Variants in OTOA observed in about 807,000 individuals in gnomAD.
OTOA encodes cancer/testis antigen 108.
OTOA carries 70 observed loss-of-function variants against 110.8 expected under a neutral mutation model. The ratio of observed to expected loss-of-function variants is 0.63; its 90% CI spans 0.52 to 0.77. The LOEUF is 0.77. Ranked by LOEUF, OTOA falls within the 30% of genes least tolerant of loss-of-function variation. The pLI is 0.00. For missense variants in OTOA, 917 were observed against 1,075.8 expected (o/e 0.85, Z 2.06); for synonymous variants, 373 against 431.5 (o/e 0.86, Z 1.68).
intron 1 of OTOA, among the ~76,000 whole-genome samples, chr16:21,665,030 T>C (rs1181360779): frequency 2.0e-5 from 3 of 151,430 alleles, no homozygotes; most frequent in Admixed American, 6.6e-5. Context: ...ATAAAGTTGA[T>C]AGTTTTTTGC....
intron 15 of OTOA, among the ~76,000 whole-genome samples, chr16:21,717,427 C>T (rs1452332010): frequency 1.3e-5 from 2 of 152,026 alleles, no homozygotes; most frequent in Non-Finnish European, 2.9e-5. Flanking sequence ...GGCGACAGAG[C>T]GAGACCCTGT....
At chr16:21,665,833 A>AT (rs796956897) in intron 1 of OTOA, among the ~76,000 whole-genome samples, 81 of 145,862 alleles carry the variant, frequency 5.6e-4, no homozygotes, top group African/African-American at 1.0e-3. Flanking sequence ...GACTGCTTGA[A>AT]TTTTTTTTTT....
At chr16:21,705,121 T>C in intron 11 of OTOA, 48 bp from the exon 12 acceptor site, 1 of 1,614,138 alleles carries the variant, frequency 6.2e-7, no homozygotes, top group South Asian at 1.1e-5. Flanking sequence ...CAGAATGGGC[T>C]GGTTCTGCGG....
intron 11 of OTOA, 69 bp downstream of exon 11, chr16:21,701,096 G>T (rs1383942966): frequency 8.7e-6 from 14 of 1,605,174 alleles, no homozygotes; most frequent in Non-Finnish European, 1.2e-5. Context: ...AATTCTCTGA[G>T]CAGCAAAACA....
At chr16:21,682,037 G>A (rs952684139) in intron 6 of OTOA, among the ~76,000 whole-genome samples, 4 of 152,248 alleles carry the variant, frequency 2.6e-5, no homozygotes, top group South Asian at 2.1e-4. Context: ...GGTATATTAG[G>A]ATATAGGCTG....
intron 13 of OTOA, among the ~76,000 whole-genome samples, chr16:21,713,915 G>C (rs1248413974): frequency 6.6e-6 from 1 of 152,140 alleles, no homozygotes; most frequent in Non-Finnish European, 1.5e-5. Flanking sequence ...GGAGTTGAGG[G>C]AGACGGTTTT....
chr16:21,666,902 C>A (rs992227368), intron 1 of OTOA, among the ~76,000 whole-genome samples: 1 of 152,102 alleles, frequency 6.6e-6, no homozygotes, highest in Non-Finnish European at 1.5e-5. Flanking sequence ...GAAAGCAAGG[C>A]GTCTGTTTCA....
chr16:21,735,434 C>A (rs945788963), intron 21 of OTOA, among the ~76,000 whole-genome samples: 1 of 151,946 alleles, frequency 6.6e-6, no homozygotes, highest in African/African-American at 2.4e-5. Flanking sequence ...GAAATCTGCC[C>A]CCATGATCCA....
At chr16:21,711,393 A>C (rs541329114) in intron 13 of OTOA, among the ~76,000 whole-genome samples, 12 of 152,122 alleles carry the variant, frequency 7.9e-5, no homozygotes, top group African/African-American at 2.7e-4. Flanking sequence ...TCTTTTGGGG[A>C]CAATTAATGT....
chr16:21,685,142 G>T (rs1439594557), intron 6 of OTOA, 88 bp from the exon 7 acceptor site: 7 of 1,551,570 alleles, frequency 4.5e-6, no homozygotes, highest in Non-Finnish European at 6.2e-6. Flanking sequence ...AGGGAATGAG[G>T]GGGCCGGGCT....
intron 7 of OTOA, 132 bp downstream of exon 7, chr16:21,685,493 A>G (rs1897697153): frequency 2.3e-6 from 3 of 1,305,254 alleles, no homozygotes; most frequent in African/African-American, 1.5e-5. Flanking sequence ...GCCTCCTCCA[A>G]CCCCCTGGGG....
rs761846855 is a variant in OTOA at position 21,715,018 on chromosome 16, G to A, written c.1354G>A (p.Ala452Thr). ...TTTCTACAATGTCAGCCAGATGGGC[G>A]CACTGCTGGCTGGGGTCAGCACCCA... ...LSFYNVSQMG[A>T]LLAGVSTQAF... Residue 452 changes from alanine (A) to threonine (T), a missense_variant, in exon 14 of 29, where the codon GCA (alanine) becomes ACA (threonine). By Grantham distance (58) the Ala-to-Thr change is moderately conservative. Transcript: ENST00000646100. The A allele has an allele frequency of 8.7e-6, 14 of 1,614,092 alleles. No homozygotes were observed. The highest frequency in any genetic ancestry group is 2.7e-5 in the African/African-American group (2 of 74,934).
intron 12 of OTOA, among the ~76,000 whole-genome samples, chr16:21,707,950 C>CG: frequency 6.6e-6 from 1 of 151,680 alleles, no homozygotes; most frequent in East Asian, 1.9e-4. Context: ...CACGCCACCA[C>CG]GCCCAGCTAT....
chr16:21,698,939 AATTTT>A (rs750119086), intron 10 of OTOA, among the ~76,000 whole-genome samples: 1 of 151,868 alleles, frequency 6.6e-6, no homozygotes, highest in Non-Finnish European at 1.5e-5. Flanking sequence ...GCTAAAAGGG[AATTTT>A]ATTTTATTTT....
Position 21,699,580 on chromosome 16 carries a change from T to G in OTOA, c.841-1308T>G, listed in dbSNP as rs548960422. The stretch of plus-strand genomic sequence containing the variant: ...TGAGCCCAGGAGGTCGAGGCTGCAA[T>G]AAGCCATGATCACACCACTGCACCC... On this transcript the variant is annotated intron_variant, in intron 10 of 28. Coordinates refer to ENST00000646100, the MANE Select transcript of OTOA (RefSeq NM_144672.4). Among the ~76,000 whole-genome samples, 167 of 152,042 alleles carry G rather than the reference T, an allele frequency of 1.1e-3. 1 individual carries two copies. The highest frequency in any genetic ancestry group is 3.9e-3 in the African/African-American group (162 of 41,448).
rs1899412501 is a variant in OTOA at position 21,738,432 on chromosome 16, C to T, written c.2431+2042C>T. Reference sequence around the variant, plus strand: ...TACCTTGGGTGATTATCCCTCCATGCATTATCTTGTTCTCCCGTTTTTTTT... The same window carrying T: ...TACCTTGGGTGATTATCCCTCCATGTATTATCTTGTTCTCCCGTTTTTTTT... On this transcript the variant is annotated intron_variant, in intron 22 of 28. Transcript: ENST00000646100. Among the ~76,000 whole-genome samples, 2 of 119,864 alleles carry T rather than the reference C, an allele frequency of 1.7e-5. 1 individual carries two copies. Among genetic ancestry groups the T allele is most frequent in the Non-Finnish European group, 3.7e-5 (2 of 53,426 alleles). The allele number at this position is 119,864 out of a possible 152,430, so 78.6% of individuals were successfully genotyped here.
intron 12 of OTOA, among the ~76,000 whole-genome samples, chr16:21,707,606 T>TTTCTTTCC (rs1481459117): frequency 1.3e-5 from 1 of 78,958 alleles, no homozygotes. Flanking sequence ...TCTTTCTTTC[T>TTTCTTTCC]TTCTTTCTTT....
At chr16:21,758,942 C>T (rs1900080671) in intron 28 of OTOA, among the ~76,000 whole-genome samples, 2 of 151,700 alleles carry the variant, frequency 1.3e-5, no homozygotes, top group South Asian at 4.2e-4. Context: ...GCAGAGGTTG[C>T]AGTGAGCTGA....
At chr16:21,717,170 A>C in intron 15 of OTOA, 123 bp downstream of exon 15, 1 of 1,364,064 alleles carries the variant, frequency 7.3e-7, no homozygotes, top group Non-Finnish European at 1.0e-6. Flanking sequence ...TATAGGAGGC[A>C]GAATAGTATA....
Sources: gnomAD v4.1 joint callset for allele counts (sites outside exome capture counted in the v4.1 genomes callset) on GRCh38, gnomAD v4.1.1 for gene constraint, MANE v1.5 for transcripts, NCBI Gene and HGNC (gene_info 2026-07-23, HGNC 2026-07-21) for gene names.